Variants in TSNARE1 observed in about 807,000 individuals in gnomAD.
The protein encoded by TSNARE1 is t-SNARE domain-containing protein 1.
Under a neutral mutation model 62.0 loss-of-function variants are expected in TSNARE1, and 49 were observed. That is an observed-to-expected ratio of 0.79 (90% CI 0.63 to 1.00). The LOEUF (loss-of-function observed/expected upper bound fraction) is 1.00. TSNARE1 is among the 50% of genes least tolerant of loss of function. The pLI is 0.00. For synonymous variants in TSNARE1, 328 were observed against 294.4 expected (o/e 1.11, Z -1.17); for missense variants, 755 against 700.1 (o/e 1.08, Z -0.88).
At position 142,376,233 on chromosome 8, in the gene TSNARE1, G is replaced by A. The variant is rs961568047; in HGVS notation, c.-39-21470C>T. On this transcript the variant is annotated intron_variant, in intron 1 of 13. Coordinates refer to ENST00000524325, the MANE Select transcript of TSNARE1 (RefSeq NM_145003.5). ...GGGACAAGGGTGTGTCTCACGCAGTGAGACTCCACATGTGTCTTGGTGCCC... is the reference window on the plus strand; with the variant it reads ...GGGACAAGGGTGTGTCTCACGCAGTAAGACTCCACATGTGTCTTGGTGCCC... Among the ~76,000 whole-genome samples, 34 of 152,294 alleles carry A rather than the reference G, an allele frequency of 2.2e-4. 1 individual carries two copies. The highest frequency in any genetic ancestry group is 6.5e-4 in the Admixed American group (10 of 15,308).
At chr8:142,350,361 C>T (rs539425446) in intron 2 of TSNARE1, among the ~76,000 whole-genome samples, 20 of 152,342 alleles carry the variant, frequency 1.3e-4, no homozygotes, top group African/African-American at 4.8e-4. Flanking sequence ...TTAGATAAAA[C>T]AGTCGAATTT....
At chr8:142,350,468 T>C (rs979600569) in intron 2 of TSNARE1, among the ~76,000 whole-genome samples, 1 of 152,234 alleles carries the variant, frequency 6.6e-6, no homozygotes, top group Non-Finnish European at 1.5e-5. Context: ...TCAGAAAATC[T>C]TTCCACAAAG....
At chr8:142,292,744 C>T (rs1043796069) in intron 10 of TSNARE1, among the ~76,000 whole-genome samples, 3 of 152,150 alleles carry the variant, frequency 2.0e-5, no homozygotes, top group East Asian at 1.9e-4. Flanking sequence ...AGCCCCAAAG[C>T]GCATTGAGCA....
intron 12 of TSNARE1, among the ~76,000 whole-genome samples, chr8:142,236,545 G>A (rs774759363): frequency 6.7e-6 from 1 of 150,212 alleles, no homozygotes; most frequent in African/African-American, 2.5e-5. Flanking sequence ...GAAGTCCCAG[G>A]CTGATCCCCA....
intron 13 of TSNARE1, among the ~76,000 whole-genome samples, chr8:142,216,793 C>A (rs1273321925): frequency 6.6e-6 from 1 of 152,200 alleles, no homozygotes; most frequent in Non-Finnish European, 1.5e-5. Context: ...CCGACCCTGC[C>A]TGGTTGTTTA....
At chr8:142,222,253 T>C (rs1388061033) in intron 13 of TSNARE1, among the ~76,000 whole-genome samples, 3 of 11,138 alleles carry the variant, frequency 2.7e-4, no homozygotes, top group Non-Finnish European at 2.5e-4. Context: ...CACTCACTCA[T>C]CCACTCATCC....
chr8:142,212,812 C>A (rs1315465907), intron 13 of TSNARE1, among the ~76,000 whole-genome samples: 1 of 137,622 alleles, frequency 7.3e-6, no homozygotes, highest in East Asian at 2.2e-4. Flanking sequence ...ATCCTTCCCC[C>A]CCCTGTCCCT....
chr8:142,326,927 G>A lies in TSNARE1; in HGVS notation c.893+3974C>T, dbSNP rs183328645. 3.3e-5 allele frequency among the ~76,000 whole-genome samples: 5 copies of A among 152,252 alleles called. No homozygotes were observed. In the South Asian group the frequency reaches 6.2e-4, roughly 19 times the overall value. On this transcript the variant is annotated intron_variant, in intron 6 of 13. Transcript: ENST00000524325. ...TGAGATCACCACAAGACCCCACTTC[G>A]CACCCACTAGGATAGCCACATCCAA...
At chr8:142,320,901 T>C (rs1442434790) in intron 6 of TSNARE1, among the ~76,000 whole-genome samples, 1 of 152,216 alleles carries the variant, frequency 6.6e-6, no homozygotes, top group African/African-American at 2.4e-5. Flanking sequence ...ATGGAGCCAT[T>C]AGTGCTGGAA....
At chr8:142,371,268 T>C (rs1356908302) in intron 1 of TSNARE1, among the ~76,000 whole-genome samples, 3 of 152,054 alleles carry the variant, frequency 2.0e-5, no homozygotes, top group Non-Finnish European at 2.9e-5. Flanking sequence ...CTATCAAACA[T>C]TTAAAGAATA....
intron 6 of TSNARE1, among the ~76,000 whole-genome samples, chr8:142,324,831 C>T (rs1429353165): frequency 6.6e-6 from 1 of 152,218 alleles, no homozygotes; most frequent in Non-Finnish European, 1.5e-5. Flanking sequence ...ACTCCAGACT[C>T]GAGTGGTTAA....
intron 12 of TSNARE1, among the ~76,000 whole-genome samples, chr8:142,265,863 A>G (rs947251657): frequency 1.4e-4 from 22 of 152,132 alleles, no homozygotes; most frequent in African/African-American, 5.3e-4. Flanking sequence ...CTACCCATAT[A>G]TCTACTTTGG....
At chr8:142,278,332 T>C in intron 11 of TSNARE1, 1 of 985,440 alleles carries the variant, frequency 1.0e-6, no homozygotes, top group Non-Finnish European at 1.2e-6. Context: ...AGTTCTGCCA[T>C]GGCTGCCACT....
chr8:142,320,090 G>A (rs936798321), intron 6 of TSNARE1, among the ~76,000 whole-genome samples: 2 of 151,966 alleles, frequency 1.3e-5, no homozygotes, highest in Non-Finnish European at 2.9e-5. Context: ...GGGCTGCCAC[G>A]CAGCCTCCTG....
In TSNARE1 at chr8:142,238,110, G is replaced by A. The variant is rs569640359; in HGVS notation, c.1447-8531C>T. ...AGGCATCCTGGTGACTGCGTTACCC[G>A]CCCCCCCTCCACCCTGCACCCCTGT... On this transcript the variant is annotated intron_variant, in intron 12 of 13. Coordinates refer to ENST00000524325, the MANE Select transcript of TSNARE1 (RefSeq NM_145003.5). Among the ~76,000 whole-genome samples, 7 of 151,064 alleles carry A rather than the reference G, an allele frequency of 4.6e-5. No individual in the cohort carries two copies. The East Asian group carries it at 6.0e-4, about 13-fold the overall frequency.
chr8:142,332,115 C>A (rs555353615), intron 4 of TSNARE1, among the ~76,000 whole-genome samples: 2 of 152,210 alleles, frequency 1.3e-5, no homozygotes, highest in African/African-American at 2.4e-5. Flanking sequence ...CAGCAGCTGG[C>A]GTGTGTGCCC....
chr8:142,283,325 G>A (rs956793364), intron 11 of TSNARE1, among the ~76,000 whole-genome samples: 1 of 150,714 alleles, frequency 6.6e-6, no homozygotes, highest in African/African-American at 2.4e-5. Context: ...GTCTGCCAAT[G>A]AGCAGAGGCG....
At chr8:142,301,522 G>A (rs570883773) in intron 9 of TSNARE1, among the ~76,000 whole-genome samples, 21 of 133,978 alleles carry the variant, frequency 1.6e-4, no homozygotes, top group East Asian at 6.5e-4. Context: ...TTCCCCTCCC[G>A]TCAGGAGCCC....
At chr8:142,359,601 G>A (rs77321201) in intron 1 of TSNARE1, among the ~76,000 whole-genome samples, 1,527 of 152,238 alleles carry the variant, frequency 0.01, 12 homozygotes, top group East Asian at 0.021. Context: ...ACCCATTCAC[G>A]GGGGAGCCAG....
Sources: allele counts gnomAD v4.1 joint callset (sites outside exome capture counted in the v4.1 genomes callset), GRCh38; gene constraint gnomAD v4.1.1; transcripts MANE v1.5; gene names NCBI Gene and HGNC (gene_info 2026-07-23, HGNC 2026-07-21).